Variants in SLCO1B3 observed in about 807,000 individuals in gnomAD.
SLCO1B3 encodes the protein liver-specific organic anion transporter 2.
SLCO1B3 carries 72 observed loss-of-function variants against 71.8 expected under a neutral mutation model. That is an observed-to-expected ratio of 1.00 (90% CI 0.83 to 1.22). The LOEUF (loss-of-function observed/expected upper bound fraction) is 1.22. SLCO1B3 is among the 50% of genes most tolerant of loss of function. The probability of loss-of-function intolerance (pLI) is 0.00; values close to 1 mark genes in which losing one functional copy is unlikely to be tolerated. For synonymous variants in SLCO1B3, 298 were observed against 278.4 expected (o/e 1.07, Z -0.70); for missense variants, 911 against 819.7 (o/e 1.11, Z -1.36).
chr12:20,817,812 G>A (rs965042882), intron 3 of SLCO1B3, among the ~76,000 whole-genome samples: 7 of 151,808 alleles, frequency 4.6e-5, no homozygotes, highest in African/African-American at 9.7e-5. Flanking sequence ...GGATGGTCTC[G>A]ATCTCCTGAC....
Position 20,826,824 on chromosome 12 carries a change from C to T in SLCO1B3, c.84+11002C>T, listed in dbSNP as rs371809223. Among the ~76,000 whole-genome samples the T allele has an allele frequency of 5.9e-5, 9 of 152,018 alleles. No homozygotes were observed. The South Asian group carries it at 1.2e-3, about 21-fold the overall frequency. On this transcript the variant is annotated intron_variant, in intron 3 of 15. Transcript: ENST00000381545. The stretch of plus-strand genomic sequence containing the variant: ...AGTTTCTTTCACTTTGTTTCATAAA[C>T]TTTAGCCTTTGTATTAGACAAAAAT...
chr12:20,916,835 T>C lies in SLCO1B3; in HGVS notation c.*588T>C, dbSNP rs1347544594. 1 of 152,162 alleles carries C rather than the reference T, an allele frequency of 6.6e-6. No homozygotes were observed. The highest frequency in any genetic ancestry group is 1.5e-5 in the Non-Finnish European group (1 of 68,040). The allele number at this position is 152,162 out of a possible 1,614,324, so 9.4% of individuals were successfully genotyped here. A position where few individuals can be genotyped will look rare whatever the true frequency, so the allele number is the denominator to read the frequency against. ...CAAGGTGTAATTGTGAGACAACTTA[T>C]TATAATACGTGTTAAGTTTCTACTG... On this transcript the variant is annotated 3_prime_UTR_variant, in exon 16 of 16. Coordinates refer to ENST00000381545, the MANE Select transcript of SLCO1B3 (RefSeq NM_019844.4).
intron 15 of SLCO1B3, among the ~76,000 whole-genome samples, chr12:20,909,147 G>A (rs1027067475): frequency 6.7e-6 from 1 of 149,946 alleles, no homozygotes; most frequent in African/African-American, 2.5e-5. Flanking sequence ...GATGACATAA[G>A]ATGTGAAGCA....
At chr12:20,875,917 ACT>A (rs1157802144) in intron 9 of SLCO1B3, among the ~76,000 whole-genome samples, 1 of 152,026 alleles carries the variant, frequency 6.6e-6, no homozygotes, top group Non-Finnish European at 1.5e-5. Flanking sequence ...TATATAGATC[ACT>A]GTAATAAAGT....
At chr12:20,912,136 C>A (rs1866391078) in intron 15 of SLCO1B3, among the ~76,000 whole-genome samples, 1 of 151,788 alleles carries the variant, frequency 6.6e-6, no homozygotes, top group African/African-American at 2.4e-5. Flanking sequence ...CATGAAATTT[C>A]ATCTTGACCC....
intron 3 of SLCO1B3, among the ~76,000 whole-genome samples, chr12:20,849,143 CT>C (rs1864972434): frequency 6.6e-6 from 1 of 151,608 alleles, no homozygotes; most frequent in Non-Finnish European, 1.5e-5. Context: ...AAAATAAAGT[CT>C]ATTAAGTATA....
chr12:20,841,294 G>A (rs1006118299), intron 3 of SLCO1B3, among the ~76,000 whole-genome samples: 25 of 152,016 alleles, frequency 1.6e-4, no homozygotes, highest in South Asian at 1.3e-3. Flanking sequence ...AAAAAATGGC[G>A]CCCTCCAACT....
chr12:20,815,881 G>A (rs1319966632), intron 3 of SLCO1B3, 59 bp downstream of exon 3: 4 of 1,061,708 alleles, frequency 3.8e-6, no homozygotes, highest in Admixed American at 2.3e-5. Flanking sequence ...TTTATGTATA[G>A]AAAGGCCACT....
intron 8 of SLCO1B3, among the ~76,000 whole-genome samples, chr12:20,867,398 T>A (rs1274717016): frequency 1.3e-5 from 2 of 151,924 alleles, no homozygotes; most frequent in Non-Finnish European, 2.9e-5. Context: ...TTCATAACCA[T>A]TCAAGAAAAT....
At chr12:20,881,373 C>T (rs1389434374) in intron 12 of SLCO1B3, among the ~76,000 whole-genome samples, 1 of 152,084 alleles carries the variant, frequency 6.6e-6, no homozygotes, top group Non-Finnish European at 1.5e-5. Context: ...AATTACTTTA[C>T]CCTTTGGAAG....
At chr12:20,828,225 T>A (rs182649698) in intron 3 of SLCO1B3, among the ~76,000 whole-genome samples, 1 of 148,108 alleles carries the variant, frequency 6.8e-6, no homozygotes, top group East Asian at 2.0e-4. Flanking sequence ...TACAAAGACA[T>A]TTCTCTAAGT....
chr12:20,833,682 TGG>T lies in SLCO1B3; in HGVS notation c.84+17861_84+17862del, dbSNP rs200187186. 2.7e-4 allele frequency among the ~76,000 whole-genome samples: 39 copies of T among 146,900 alleles called. 1 individual carries two copies. The highest frequency in any genetic ancestry group is 8.6e-4 in the South Asian group (4 of 4,670). ...TGTGTGCATATATACATACACTTTA[TGG>T]TATAGAGAGAGATGATAAATTACAT... On this transcript the variant is annotated intron_variant, in intron 3 of 15. Transcript: ENST00000381545.
intron 15 of SLCO1B3, among the ~76,000 whole-genome samples, chr12:20,907,993 T>G (rs2120429119): frequency 6.6e-6 from 1 of 152,272 alleles, no homozygotes; most frequent in South Asian, 2.1e-4. Flanking sequence ...CATAACATTT[T>G]GAAATGGTGA....
At chr12:20,889,241 C>G (rs1865854278) in intron 13 of SLCO1B3, among the ~76,000 whole-genome samples, 1 of 151,802 alleles carries the variant, frequency 6.6e-6, no homozygotes, top group South Asian at 2.1e-4. Context: ...ATTCCTTCCC[C>G]CTTGATTTTT....
At chr12:20,882,647 G>T (rs373027836) in intron 12 of SLCO1B3, among the ~76,000 whole-genome samples, 1 of 152,070 alleles carries the variant, frequency 6.6e-6, no homozygotes, top group South Asian at 2.1e-4. Context: ...CTCATGATAC[G>T]CCTGCCTCAT....
chr12:20,860,896 G>C, intron 5 of SLCO1B3, 121 bp from the exon 6 acceptor site: 1 of 1,012,754 alleles, frequency 9.9e-7, no homozygotes, highest in South Asian at 1.6e-5. Flanking sequence ...TGACAAACAA[G>C]ATTCTGGTAA....
In SLCO1B3 at chr12:20,880,994, T is replaced by C. The variant is rs1565600640; in HGVS notation, c.1471T>C (p.Ser491Pro). ...GTCACCTTGTCTAGCAGGATGCAAATCCTCAAGTGGTATTAAAAAGCATAC... is the reference window on the plus strand; with the variant it reads ...GTCACCTTGTCTAGCAGGATGCAAACCCTCAAGTGGTATTAAAAAGCATAC... ...YLSPCLAGCK[S>P]SSGIKKHTVF... The change falls in exon 12 of 16, where the codon TCC (serine) becomes CCC (proline). Residue 491 changes from serine to proline, a missense_variant. By Grantham distance (74) the Ser-to-Pro change is moderately conservative (BLOSUM62 -1). Coordinates refer to ENST00000381545, the MANE Select transcript of SLCO1B3 (RefSeq NM_019844.4). The C allele has an allele frequency of 2.5e-6, 4 of 1,611,014 alleles. No homozygotes were observed. Among genetic ancestry groups the C allele is most frequent in the Non-Finnish European group, 3.4e-6 (4 of 1,178,326 alleles).
chr12:20,817,879 G>C (rs530664606), intron 3 of SLCO1B3, among the ~76,000 whole-genome samples: 2 of 152,060 alleles, frequency 1.3e-5, no homozygotes, highest in Non-Finnish European at 1.5e-5. Flanking sequence ...TTGAGCCACC[G>C]TGCCTGGCCA....
chr12:20,827,453 T>C (rs1864445865), intron 3 of SLCO1B3, among the ~76,000 whole-genome samples: 1 of 152,190 alleles, frequency 6.6e-6, no homozygotes, highest in Non-Finnish European at 1.5e-5. Flanking sequence ...TTTTTAGTAG[T>C]GAAACGTACA....
Sources: gnomAD v4.1 joint callset for allele counts (sites outside exome capture counted in the v4.1 genomes callset) on GRCh38, gnomAD v4.1.1 for gene constraint, MANE v1.5 for transcripts, NCBI Gene and HGNC (gene_info 2026-07-23, HGNC 2026-07-21) for gene names.